Variants in GREB1L observed in about 807,000 individuals in gnomAD.
GREB1L encodes the protein GREB1 like retinoic acid receptor coactivator.
In GREB1L, 17 loss-of-function variants were observed where a neutral mutation model predicts 200.8. That is an observed-to-expected ratio of 0.08 (90% confidence interval 0.06 to 0.13). GREB1L has a LOEUF of 0.13. Ranked by LOEUF, GREB1L falls within the 10% of genes least tolerant of loss-of-function variation. The pLI, the probability that GREB1L is intolerant of heterozygous loss-of-function variation, is 1.00. For synonymous variants in GREB1L, 789 were observed against 893.0 expected, an observed-to-expected ratio of 0.88 and a Z score of 2.08; for missense variants, 1,657 against 2,367.7, an observed-to-expected ratio of 0.70 and a Z score of 6.23.
At chr18:21,411,139 C>G (rs2144694049) in intron 7 of GREB1L, among the ~76,000 whole-genome samples, 1 of 151,662 alleles carries the variant, frequency 6.6e-6, no homozygotes, top group Non-Finnish European at 1.5e-5. Flanking sequence ...ATTAAAAATA[C>G]AAGATACTAT....
chr18:21,243,779 T>C (rs1309439797), intron 1 of GREB1L, among the ~76,000 whole-genome samples: 1 of 152,218 alleles, frequency 6.6e-6, no homozygotes, highest in African/African-American at 2.4e-5. Flanking sequence ...TATTTAGTAA[T>C]ACAGTTACAT....
chr18:21,484,536 GC>G (rs2036052108), intron 17 of GREB1L, among the ~76,000 whole-genome samples: 1 of 152,314 alleles, frequency 6.6e-6, no homozygotes, highest in Non-Finnish European at 1.5e-5. Context: ...ACAAAAGTGG[GC>G]CAGGCGCAGT....
At chr18:21,442,912 T>G (rs1050110071) in intron 10 of GREB1L, among the ~76,000 whole-genome samples, 1 of 152,098 alleles carries the variant, frequency 6.6e-6, no homozygotes, top group African/African-American at 2.4e-5. Context: ...GTTTTTGTTT[T>G]TTGTCATTGT....
intron 2 of GREB1L, among the ~76,000 whole-genome samples, chr18:21,370,543 CAA>C (rs376916701): frequency 5.9e-5 from 9 of 152,192 alleles, no homozygotes; most frequent in African/African-American, 1.9e-4. Context: ...AATACAGTAA[CAA>C]ATAATTTTGT....
intron 4 of GREB1L, among the ~76,000 whole-genome samples, chr18:21,394,172 G>T (rs749199468): frequency 6.6e-6 from 1 of 152,154 alleles, no homozygotes; most frequent in Non-Finnish European, 1.5e-5. Context: ...GCTTTGATGG[G>T]CCTTGTTTAT....
At chr18:21,434,766 T>G (rs758834490) in intron 7 of GREB1L, among the ~76,000 whole-genome samples, 75 of 152,150 alleles carry the variant, frequency 4.9e-4, no homozygotes, top group Non-Finnish European at 9.0e-4. Context: ...TAGTGAGTGT[T>G]TGTTAAATAA....
chr18:21,395,939 G>A lies in GREB1L; in HGVS notation c.532+378G>A, dbSNP rs551217133. Reference sequence around the variant, plus strand: ...GAGACAGGGCTTCACCATATTGGCCGGAGTGGTCTTAAACCCCTGACCTCG... The same window carrying A: ...GAGACAGGGCTTCACCATATTGGCCAGAGTGGTCTTAAACCCCTGACCTCG... On this transcript the variant is annotated intron_variant, in intron 5 of 32. Coordinates refer to ENST00000424526, the MANE Select transcript of GREB1L (RefSeq NM_001142966.3). Among the ~76,000 whole-genome samples the A allele has an allele frequency of 1.1e-3, 167 of 151,494 alleles. 1 individual carries two copies. The highest frequency in any genetic ancestry group is 2.1e-3 in the South Asian group (10 of 4,770).
At chr18:21,522,143 G>A (rs1170606236) in intron 32 of GREB1L, among the ~76,000 whole-genome samples, 2 of 151,990 alleles carry the variant, frequency 1.3e-5, no homozygotes, top group Non-Finnish European at 2.9e-5. Flanking sequence ...AAGAGGGAAT[G>A]TGGTTGGAAG....
At chr18:21,396,314 G>A (rs1002485613) in intron 5 of GREB1L, among the ~76,000 whole-genome samples, 7 of 152,078 alleles carry the variant, frequency 4.6e-5, no homozygotes, top group South Asian at 4.1e-4. Flanking sequence ...CAAAGTGCTG[G>A]AATTACAGGC....
intron 1 of GREB1L, among the ~76,000 whole-genome samples, chr18:21,286,133 T>C (rs796292404): frequency 2.0e-5 from 3 of 152,326 alleles, no homozygotes; most frequent in African/African-American, 7.2e-5. Context: ...TAAACAGGCA[T>C]AAAGTAACTC....
In GREB1L at chr18:21,431,174, A is replaced by G. The variant is rs548018354; in HGVS notation, c.833-8347A>G. Reference sequence around the variant, plus strand: ...ATAGCTGGGATTACAGGCGCCCACCACCACACGTGGCTAATTTTTTTGTAT... The same window carrying G: ...ATAGCTGGGATTACAGGCGCCCACCGCCACACGTGGCTAATTTTTTTGTAT... On this transcript the variant is annotated intron_variant, in intron 7 of 32. Transcript: ENST00000424526. Among the ~76,000 whole-genome samples, 778 of 151,764 alleles carry G rather than the reference A, an allele frequency of 5.1e-3. 16 individuals are homozygous for G. Among genetic ancestry groups the G allele is most frequent in the Non-Finnish European group, 3.1e-3 (208 of 67,930 alleles).
chr18:21,442,433 A>G (rs1195369642), intron 10 of GREB1L, among the ~76,000 whole-genome samples: 1 of 152,196 alleles, frequency 6.6e-6, no homozygotes, highest in Non-Finnish European at 1.5e-5. Context: ...ATCTGTAGGT[A>G]CTGAGGGGAT....
At chr18:21,285,430 C>G (rs2038339647) in intron 1 of GREB1L, among the ~76,000 whole-genome samples, 1 of 152,110 alleles carries the variant, frequency 6.6e-6, no homozygotes, top group African/African-American at 2.4e-5. Context: ...AAACATCTGT[C>G]AACATAGTTG....
Position 21,515,660 on chromosome 18 carries a change from T to G in GREB1L, c.5129+16T>G. The G allele has an allele frequency of 6.6e-7, 1 of 1,513,496 alleles. No homozygotes were observed. Among genetic ancestry groups the G allele is most frequent in the Non-Finnish European group, 9.0e-7 (1 of 1,112,732 alleles). The allele number at this position is 1,513,496 out of a possible 1,614,324, so 93.8% of individuals were successfully genotyped here. ...ACTTCAACAGGTAAGTCAGGCCTCA[T>G]GGATGCAGGTAATCCTGGCATCTAC... On this transcript the variant is annotated intron_variant, in intron 29 of 32. Transcript: ENST00000424526.
intron 1 of GREB1L, among the ~76,000 whole-genome samples, chr18:21,320,320 C>T (rs1054493448): frequency 3.9e-5 from 6 of 151,992 alleles, no homozygotes; most frequent in African/African-American, 1.4e-4. Context: ...AAGCCATACA[C>T]TAAAATATAT....
In GREB1L at chr18:21,435,096, A is replaced by G. The variant is rs948887718; in HGVS notation, c.833-4425A>G. 4.6e-5 allele frequency: 7 copies of G among 152,620 alleles called. No individual in the cohort carries two copies. The East Asian group carries it at 5.8e-4, about 13-fold the overall frequency. The allele number at this position is 152,620 out of a possible 1,614,324, so 9.5% of individuals were successfully genotyped here. The stretch of plus-strand genomic sequence containing the variant: ...TGCAGGTGATGTTTTCCTCACTTAT[A>G]TATCTTTGGTAAATACATAGTCCAT... On this transcript the variant is annotated intron_variant, in intron 7 of 32. Coordinates refer to ENST00000424526, the MANE Select transcript of GREB1L (RefSeq NM_001142966.3).
chr18:21,287,347 T>C (rs763082950), intron 1 of GREB1L, among the ~76,000 whole-genome samples: 2 of 152,144 alleles, frequency 1.3e-5, no homozygotes, highest in Non-Finnish European at 2.9e-5. Context: ...GTAGGAGAGG[T>C]CTTTTGTTAA....
intron 1 of GREB1L, among the ~76,000 whole-genome samples, chr18:21,299,407 A>C (rs1395340621): frequency 6.6e-6 from 1 of 152,040 alleles, no homozygotes; most frequent in South Asian, 2.1e-4. Context: ...TTTCAAAACA[A>C]GTTTTTTAAA....
intron 1 of GREB1L, among the ~76,000 whole-genome samples, chr18:21,273,555 C>A (rs1320707963): frequency 1.3e-5 from 2 of 152,168 alleles, no homozygotes; most frequent in Non-Finnish European, 2.9e-5. Flanking sequence ...AATACACACA[C>A]TAATCTGTAA....
Sources: gnomAD v4.1 joint callset for allele counts (sites outside exome capture counted in the v4.1 genomes callset) on GRCh38, gnomAD v4.1.1 for gene constraint, MANE v1.5 for transcripts, NCBI Gene and HGNC (gene_info 2026-07-23, HGNC 2026-07-21) for gene names.